Variants in ANK2 observed in about 807,000 individuals in gnomAD.
ANK2 encodes ankyrin-2.
ANK2 carries 83 observed loss-of-function variants against 360.5 expected under a neutral mutation model. The observed-to-expected ratio is 0.23, with a 90% confidence interval of 0.19 to 0.28. ANK2 has a LOEUF of 0.28. ANK2 is among the 10% of genes least tolerant of loss of function. ANK2 has a pLI of 1.00. For synonymous variants in ANK2, 1,740 were observed against 1,759.5 expected (o/e 0.99, Z 0.28); for missense variants, 4,201 against 4,795.7 (o/e 0.88, Z 3.66).
chr4:112,890,644 C>T (rs1281478874), intron 1 of ANK2, among the ~76,000 whole-genome samples: 2 of 145,302 alleles, frequency 1.4e-5, no homozygotes, highest in Non-Finnish European at 3.0e-5. Flanking sequence ...CTCAGCTCAC[C>T]GCAACCTCCG....
intron 2 of ANK2, among the ~76,000 whole-genome samples, chr4:112,963,985 ATCCC>A (rs1172830460): frequency 2.0e-5 from 3 of 151,716 alleles, no homozygotes; most frequent in African/African-American, 7.3e-5. Flanking sequence ...ATTTGACTAT[ATCCC>A]TATTATTGAA....
chr4:112,802,083 G>A, the ANK2 span, among the ~76,000 whole-genome samples: 1 of 152,060 alleles, frequency 6.6e-6, no homozygotes, highest in African/African-American at 2.4e-5. Flanking sequence ...CCTGGTTTCC[G>A]GTTTGGCTAC....
intron 37 of ANK2, chr4:113,350,923 T>C (rs2095373571): frequency 6.6e-6 from 1 of 152,130 alleles, no homozygotes; most frequent in African/African-American, 2.4e-5. Context: ...AACAGCATGT[T>C]ATTATAGGGT....
intron 1 of ANK2, among the ~76,000 whole-genome samples, chr4:112,888,798 G>A (rs572326647): frequency 1.3e-5 from 2 of 152,262 alleles, no homozygotes; most frequent in African/African-American, 4.8e-5. Flanking sequence ...GTTGAATGGC[G>A]AAGTCTTTTC....
the ANK2 span, among the ~76,000 whole-genome samples, chr4:112,730,791 T>C: frequency 1.3e-5 from 2 of 150,562 alleles, no homozygotes; most frequent in African/African-American, 4.9e-5. Context: ...GGTGGGAGGA[T>C]TGTTTGAGAT....
At position 113,333,121 on chromosome 4, in the gene ANK2, C is replaced by G. The variant is rs754235325; in HGVS notation, c.3292C>G (p.Arg1098Gly). ...RGKERELVVLRSENGDSWKEH... is the reference protein window; with the variant it reads ...RGKERELVVLGSENGDSWKEH... ...AAAGGAAAGGGAACTGGTGGTCCTG[C>G]GCAGTGAGAATGGGGACAGCTGGAA... The change falls in exon 29 of 46, where the codon CGC becomes GGC. Residue 1098 changes from arginine (R) to glycine (G), a missense_variant. By Grantham distance (125) the Arg-to-Gly change is moderately radical (BLOSUM62 -2). Coordinates refer to ENST00000357077, the MANE Select transcript of ANK2 (RefSeq NM_001148.6). 7.4e-6 allele frequency: 12 copies of G among 1,614,030 alleles called. No homozygotes were observed. Among genetic ancestry groups the G allele is most frequent in the South Asian group, 1.1e-5 (1 of 91,084 alleles).
chr4:112,821,595 TG>T (rs1302472464), intron 1 of ANK2, among the ~76,000 whole-genome samples: 3 of 151,192 alleles, frequency 2.0e-5, no homozygotes, highest in Non-Finnish European at 4.4e-5. Flanking sequence ...CTTGAACTCT[TG>T]GGCTCAAGTG....
At chr4:112,817,510 T>C (rs996123157), upstream of ANK2, among the ~76,000 whole-genome samples, 1 of 152,136 alleles carries the variant, frequency 6.6e-6, no homozygotes, top group South Asian at 2.1e-4. Flanking sequence ...CCTCTCAAAA[T>C]AGAATTATTG....
intron 1 of ANK2, among the ~76,000 whole-genome samples, chr4:113,152,741 T>A (rs961718189): frequency 3.9e-5 from 6 of 151,970 alleles, no homozygotes. Flanking sequence ...ATTCTGTCTC[T>A]ATATTAATTT....
In ANK2 at chr4:112,961,688, G is replaced by A. The variant is rs1010810919; in HGVS notation, c.21+57174G>A. Among the ~76,000 whole-genome samples the A allele has an allele frequency of 2.6e-5, 4 of 152,038 alleles. No homozygotes were observed. In the South Asian group the frequency reaches 6.2e-4, roughly 24 times the overall value. ...TAGGGCTGTTGGACCATGTGTCAAT[G>A]GTCCACTTTTAGTTAGCAGTTTTCT... On this transcript the variant is annotated intron_variant, in intron 2 of 30. Coordinates refer to the ANK2 transcript ENST00000503271.
intron 26 of ANK2, among the ~76,000 whole-genome samples, chr4:113,326,775 G>A (rs2090164512): frequency 2.0e-5 from 3 of 152,130 alleles, no homozygotes; most frequent in Admixed American, 2.0e-4. Flanking sequence ...TCCAAGGCAG[G>A]AGGATTGCTT....
intron 4 of ANK2, among the ~76,000 whole-genome samples, chr4:113,219,559 TC>T (rs2099126417): frequency 6.6e-6 from 1 of 151,868 alleles, no homozygotes; most frequent in African/African-American, 2.4e-5. Flanking sequence ...TGTTTTCCCC[TC>T]ACACAGAAAA....
chr4:112,895,200 A>G (rs1483934229), intron 1 of ANK2, among the ~76,000 whole-genome samples: 1 of 152,218 alleles, frequency 6.6e-6, no homozygotes, highest in Non-Finnish European at 1.5e-5. Flanking sequence ...AACCACTTAG[A>G]GTTGTTGCTC....
At chr4:112,834,215 A>G (rs1400355697) in intron 1 of ANK2, among the ~76,000 whole-genome samples, 1 of 152,234 alleles carries the variant, frequency 6.6e-6, no homozygotes, top group Non-Finnish European at 1.5e-5. Context: ...ACTATGTATT[A>G]GATGATATTA....
Position 113,369,762 on chromosome 4 carries a change from C to A in ANK2, c.11567C>A (p.Pro3856His), listed in dbSNP as rs1290892227. The change falls in exon 43 of 46, where the codon CCT becomes CAT. Residue 3856 changes from proline (P) to histidine (H), a missense_variant. By Grantham distance (77) the Pro-to-His change is moderately conservative. Transcript: ENST00000357077. The stretch of plus-strand genomic sequence containing the variant: ...ATAGTGGAGTCTGCCGATAACCAGC[C>A]TGAGACCTGTGAAAGACTCGATGAA... ...LVIVESADNQ[P>H]ETCERLDEDA... 1 of 1,614,090 alleles carries A rather than the reference C, an allele frequency of 6.2e-7. No individual in the cohort carries two copies. Among genetic ancestry groups the A allele is most frequent in the Admixed American group, 1.7e-5 (1 of 60,024 alleles).
the ANK2 span, among the ~76,000 whole-genome samples, chr4:112,721,948 A>G: frequency 1.2e-4 from 19 of 152,314 alleles, no homozygotes; most frequent in Non-Finnish European, 4.4e-5. Flanking sequence ...GGTAATTTGC[A>G]TATCTCACAA....
intron 2 of ANK2, among the ~76,000 whole-genome samples, chr4:112,935,855 C>A (rs1289129450): frequency 6.6e-6 from 1 of 151,858 alleles, no homozygotes; most frequent in African/African-American, 2.4e-5. Flanking sequence ...AACAAACAAA[C>A]AAACAAACAA....
chr4:113,219,020 A>C (rs362484), intron 4 of ANK2, among the ~76,000 whole-genome samples: 4,250 of 152,274 alleles, frequency 0.028, 99 homozygotes, highest in East Asian at 0.068. Flanking sequence ...CCATAGGCCT[A>C]TACAAAGTAG....
chr4:113,372,453 A>G, intron 43 of ANK2: 1 of 886,274 alleles, frequency 1.1e-6, no homozygotes, highest in Non-Finnish European at 1.7e-6. Flanking sequence ...TTCACAATAC[A>G]ATGTAAGCTA....
Sources: allele counts gnomAD v4.1 joint callset (sites outside exome capture counted in the v4.1 genomes callset), GRCh38; gene constraint gnomAD v4.1.1; transcripts MANE v1.5; gene names NCBI Gene and HGNC (gene_info 2026-07-23, HGNC 2026-07-21).